HPGDS: variants seen among roughly 807,000 people sequenced by gnomAD.
HPGDS encodes the protein GST class-sigma.
A neutral mutation model predicts 23.1 loss-of-function variants in HPGDS; 26 were observed. That is an observed-to-expected ratio of 1.13 (90% CI 0.83 to 1.56). The LOEUF is 1.56. HPGDS is among the 40% of genes most tolerant of loss of function. The pLI, the probability that HPGDS is intolerant of heterozygous loss-of-function variation, is 0.00. For synonymous variants in HPGDS, 95 were observed against 77.9 expected (o/e 1.22, Z -1.16); for missense variants, 268 against 236.4 (o/e 1.13, Z -0.88).
At chr4:94,307,392 G>A (rs546509626) in intron 4 of HPGDS, among the ~76,000 whole-genome samples, 1 of 152,058 alleles carries the variant, frequency 6.6e-6, no homozygotes, top group South Asian at 2.1e-4. Flanking sequence ...ATACCAGAGC[G>A]AAGCAGTGTG....
chr4:94,325,959 T>C (rs1046394819), intron 2 of HPGDS, among the ~76,000 whole-genome samples: 3 of 151,762 alleles, frequency 2.0e-5, no homozygotes, highest in African/African-American at 7.3e-5. Flanking sequence ...TTGCTGGTTA[T>C]AGTATTCTTG....
Position 94,317,669 on chromosome 4 carries a change from C to T in HPGDS, c.226+204G>A, listed in dbSNP as rs139559384. ...GATGTAAGGCAGGAAAAGCAGGAGG[C>T]GATATAAAATAAAATTGTCTAATTG... On this transcript the variant is annotated intron_variant, in intron 3 of 5. Transcript: ENST00000295256. 3.7e-3 allele frequency among the ~76,000 whole-genome samples: 562 copies of T among 152,010 alleles called. 2 individuals carry two copies. The highest frequency in any genetic ancestry group is 0.013 in the African/African-American group (526 of 41,460).
intron 1 of HPGDS, among the ~76,000 whole-genome samples, chr4:94,342,555 C>T (rs538575342): frequency 1.3e-5 from 2 of 152,234 alleles, no homozygotes; most frequent in East Asian, 1.9e-4. Flanking sequence ...TTAAAATCCA[C>T]TTGAAGAGAT....
intron 3 of HPGDS, among the ~76,000 whole-genome samples, chr4:94,314,735 A>T (rs1208693751): frequency 1.3e-5 from 2 of 152,154 alleles, no homozygotes; most frequent in Non-Finnish European, 2.9e-5. Context: ...CTGCCCCCAG[A>T]GGTGGAGTCT....
chr4:94,304,299 T>C (rs1467080280), intron 4 of HPGDS, among the ~76,000 whole-genome samples: 1 of 152,156 alleles, frequency 6.6e-6, no homozygotes, highest in African/African-American at 2.4e-5. Context: ...TTCCCCATCC[T>C]GTTCTTTAGA....
chr4:94,309,854 T>C (rs1368534420), intron 3 of HPGDS, among the ~76,000 whole-genome samples: 1 of 152,186 alleles, frequency 6.6e-6, no homozygotes, highest in Non-Finnish European at 1.5e-5. Context: ...TCATTGTGGT[T>C]TTGATTTACA....
chr4:94,313,591 T>G (rs1467878449), intron 3 of HPGDS, among the ~76,000 whole-genome samples: 2 of 152,166 alleles, frequency 1.3e-5, no homozygotes, highest in South Asian at 2.1e-4. Flanking sequence ...CATTTCAACT[T>G]TGGTGAATCT....
chr4:94,334,536 G>T lies in HPGDS; in HGVS notation c.94C>A (p.His32Asn), dbSNP rs1756789740. 3.1e-6 allele frequency: 5 copies of T among 1,610,974 alleles called. No homozygotes were observed. The East Asian group carries it at 1.1e-4, about 36-fold the overall frequency. ...FAYLDIQYEDHRIEQADWPEI... is the reference protein window; with the variant it reads ...FAYLDIQYEDNRIEQADWPEI... ...GGCCAGTCAGCTTGTTCTATTCTGTGGTCTTCATACTGTATGTCCAAATAA... is the reference window on the plus strand; with the variant it reads ...GGCCAGTCAGCTTGTTCTATTCTGTTGTCTTCATACTGTATGTCCAAATAA... The change falls in exon 2 of 6, where the codon CAC becomes AAC. Residue 32 changes from histidine to asparagine, a missense_variant. Coordinates refer to ENST00000295256, the MANE Select transcript of HPGDS (RefSeq NM_014485.3).
At chr4:94,313,651 G>C (rs372434313) in intron 3 of HPGDS, among the ~76,000 whole-genome samples, 1 of 151,308 alleles carries the variant, frequency 6.6e-6, no homozygotes. Flanking sequence ...TCTTTGTGGC[G>C]TTCTCTGTAT....
At chr4:94,319,948 T>A (rs761958856) in intron 2 of HPGDS, among the ~76,000 whole-genome samples, 2 of 152,118 alleles carry the variant, frequency 1.3e-5, no homozygotes, top group Non-Finnish European at 2.9e-5. Context: ...TGTGTGATGT[T>A]CCCCATCCTG....
intron 2 of HPGDS, among the ~76,000 whole-genome samples, chr4:94,333,992 A>G (rs1375741819): frequency 2.0e-5 from 3 of 152,232 alleles, no homozygotes; most frequent in Non-Finnish European, 4.4e-5. Context: ...GAATGGTTAT[A>G]AGGGCAATGA....
intron 4 of HPGDS, among the ~76,000 whole-genome samples, chr4:94,305,586 G>A (rs34399371): frequency 6.6e-6 from 1 of 152,084 alleles, no homozygotes; most frequent in Non-Finnish European, 1.5e-5. Flanking sequence ...ATAGGCTTTA[G>A]CTTTAACATG....
intron 4 of HPGDS, among the ~76,000 whole-genome samples, chr4:94,306,884 A>G (rs1004675205): frequency 2.0e-5 from 3 of 152,130 alleles, no homozygotes; most frequent in Non-Finnish European, 4.4e-5. Context: ...TTAATGAAAG[A>G]ATTAAAGGAA....
intron 1 of HPGDS, among the ~76,000 whole-genome samples, chr4:94,341,614 A>G (rs549472293): frequency 7.1e-4 from 108 of 152,374 alleles, no homozygotes; most frequent in South Asian, 5.0e-3. Context: ...ACGACACATC[A>G]AGAATTCAAA....
intron 2 of HPGDS, among the ~76,000 whole-genome samples, chr4:94,326,684 T>A (rs1165787149): frequency 6.6e-6 from 1 of 152,176 alleles, no homozygotes; most frequent in African/African-American, 2.4e-5. Flanking sequence ...TTGTCAATTC[T>A]TTTTCAGGCA....
intron 1 of HPGDS, 45 bp from the exon 2 acceptor site, chr4:94,334,683 G>T (rs1174326444): frequency 4.6e-6 from 7 of 1,534,110 alleles, no homozygotes; most frequent in Non-Finnish European, 6.1e-6. Context: ...GCCCTCTAGA[G>T]ATGCCTCAAT....
intron 3 of HPGDS, among the ~76,000 whole-genome samples, chr4:94,317,383 A>T (rs1196738297): frequency 6.6e-6 from 1 of 152,164 alleles, no homozygotes; most frequent in Non-Finnish European, 1.5e-5. Context: ...TCCGGAAGCC[A>T]AGTATCCCCT....
intron 2 of HPGDS, among the ~76,000 whole-genome samples, chr4:94,327,915 G>A (rs903786200): frequency 6.6e-6 from 1 of 152,178 alleles, no homozygotes; most frequent in Non-Finnish European, 1.5e-5. Flanking sequence ...TAGTCTGGTG[G>A]GGACTGGGCT....
Position 94,342,823 on chromosome 4 carries a change from T to C in HPGDS, c.-38A>G, listed in dbSNP as rs564729711. The C allele has an allele frequency of 2.6e-5, 4 of 152,328 alleles. No homozygotes were observed. The South Asian group carries it at 6.2e-4, about 24-fold the overall frequency. 9.4% of individuals were successfully genotyped at this position (152,328 alleles called of 1,614,324 possible). A position where few individuals can be genotyped will look rare whatever the true frequency, so the allele number is the denominator to read the frequency against. ...TGTTATGTCTCTCGGGAGTCTGCAG[T>C]GTCTTGTATCCCTGGGTATGTGACT... On this transcript the variant is annotated 5_prime_UTR_variant, in exon 1 of 6. Transcript: ENST00000295256.
Sources: gnomAD v4.1 joint callset for allele counts (sites outside exome capture counted in the v4.1 genomes callset) on GRCh38, gnomAD v4.1.1 for gene constraint, MANE v1.5 for transcripts, NCBI Gene and HGNC (gene_info 2026-07-23, HGNC 2026-07-21) for gene names.